Variants in TTYH3 observed in about 807,000 individuals in gnomAD.
TTYH3 encodes the protein protein tweety homolog 3.
TTYH3 carries 23 observed loss-of-function variants against 68.2 expected under a neutral mutation model. That is an observed-to-expected ratio of 0.34 (90% CI 0.24 to 0.48). The LOEUF (loss-of-function observed/expected upper bound fraction) is 0.48, where lower values mean the gene tolerates loss of function less well. Among genes scored for constraint, TTYH3 ranks in the 20% least tolerant of loss-of-function variants. The pLI is 0.99. For missense variants in TTYH3, 768 were observed against 727.7 expected (o/e 1.06, Z -0.64); for synonymous variants, 360 against 332.8 (o/e 1.08, Z -0.89).
rs555719160 is a variant in TTYH3, at chr7:2,658,419, G to A, written c.1384G>A (p.Ala462Thr). The change falls in exon 12 of 14, where the codon GCG becomes ACG. Residue 462 changes from alanine (A) to threonine (T), a missense_variant. Coordinates refer to ENST00000258796, the MANE Select transcript of TTYH3 (RefSeq NM_025250.3). Reference protein sequence around the residue: ...SYGSETSIPAAAHTVSNAPVT... With the variant: ...SYGSETSIPATAHTVSNAPVT... ...CGGCAGTGAGACCAGCATCCCGGCCGCGGCCCACACCGTCAGCAACGCCCC... is the reference window on the plus strand; with the variant it reads ...CGGCAGTGAGACCAGCATCCCGGCCACGGCCCACACCGTCAGCAACGCCCC... 58 of 1,612,274 alleles carry A rather than the reference G, an allele frequency of 3.6e-5. No individual in the cohort carries two copies. The East Asian group carries it at 7.4e-4, about 20-fold the overall frequency.
chr7:2,654,910 G>C (rs1039139610), intron 9 of TTYH3, among the ~76,000 whole-genome samples: 1 of 152,032 alleles, frequency 6.6e-6, no homozygotes. Context: ...GAGTAGCTGG[G>C]ATTACAGGCG....
intron 1 of TTYH3, among the ~76,000 whole-genome samples, chr7:2,635,486 T>C (rs1249795202): frequency 6.6e-6 from 1 of 152,218 alleles, no homozygotes; most frequent in Non-Finnish European, 1.5e-5. Flanking sequence ...TCTCTCGGGC[T>C]GTCTCCTCCA....
At chr7:2,640,581 T>C (rs1432019678) in intron 1 of TTYH3, among the ~76,000 whole-genome samples, 2 of 152,136 alleles carry the variant, frequency 1.3e-5, no homozygotes, top group African/African-American at 4.8e-5. Context: ...CCTGCTGTCA[T>C]GCATGGCCCT....
chr7:2,642,748 C>CTTT (rs915544871), intron 1 of TTYH3, among the ~76,000 whole-genome samples: 37 of 128,142 alleles, frequency 2.9e-4, no homozygotes, highest in African/African-American at 9.7e-4. Context: ...TTTTTCTTTT[C>CTTT]TTTTTTTTTT....
At position 2,652,912 on chromosome 7, in the gene TTYH3, G is replaced by A; in HGVS notation, c.928-6G>A. 1.3e-6 allele frequency: 2 copies of A among 1,558,400 alleles called. No homozygotes were observed. Among genetic ancestry groups the A allele is most frequent in the South Asian group, 1.2e-5 (1 of 84,608 alleles). The stretch of plus-strand genomic sequence containing the variant: ...GCCCATGGACTTGGTCTCCTCTCTG[G>A]AGCAGAAGCTGTCGGGCAGCCACAA... On this transcript the variant is annotated splice_region_variant and splice_polypyrimidine_tract_variant and intron_variant, in intron 8 of 13. Transcript: ENST00000258796.
chr7:2,634,078 C>T (rs1785594475), intron 1 of TTYH3, among the ~76,000 whole-genome samples: 1 of 152,190 alleles, frequency 6.6e-6, no homozygotes, highest in Non-Finnish European at 1.5e-5. Flanking sequence ...CTCTGACTCA[C>T]TCTCTCTCCT....
intron 9 of TTYH3, among the ~76,000 whole-genome samples, chr7:2,653,219 C>T (rs1413323450): frequency 6.6e-6 from 1 of 152,170 alleles, no homozygotes; most frequent in East Asian, 1.9e-4. Flanking sequence ...TCCTCCCCTT[C>T]CTCCCTCCTT....
intron 1 of TTYH3, among the ~76,000 whole-genome samples, chr7:2,636,683 G>A (rs1214826737): frequency 6.6e-6 from 1 of 152,166 alleles, no homozygotes; most frequent in Admixed American, 6.5e-5. Flanking sequence ...GCCCCTGATG[G>A]CTGGTCCCAG....
At chr7:2,636,040 G>A (rs1562705910) in intron 1 of TTYH3, among the ~76,000 whole-genome samples, 1 of 152,332 alleles carries the variant, frequency 6.6e-6, no homozygotes, top group Non-Finnish European at 1.5e-5. Context: ...CAGGCACTGT[G>A]CCAGCCCAGG....
chr7:2,647,358 G>C, intron 3 of TTYH3, 60 bp from the exon 4 acceptor site: 1 of 1,476,216 alleles, frequency 6.8e-7, no homozygotes, highest in Non-Finnish European at 8.9e-7. Context: ...TGCAGGAGGG[G>C]CCCAGACTCT....
intron 1 of TTYH3, among the ~76,000 whole-genome samples, chr7:2,640,231 T>A (rs1785800948): frequency 6.6e-6 from 1 of 152,122 alleles, no homozygotes; most frequent in Non-Finnish European, 1.5e-5. Context: ...AAACTTCTCA[T>A]CAGAGTCCCT....
intron 9 of TTYH3, among the ~76,000 whole-genome samples, chr7:2,653,777 C>A (rs1376069102): frequency 6.6e-6 from 1 of 152,090 alleles, no homozygotes; most frequent in Non-Finnish European, 1.5e-5. Flanking sequence ...GCAGGAGAAT[C>A]ACTTGAACCT....
rs79708264 is a variant in TTYH3, at chr7:2,657,715, G to A, written c.1251-571G>A. ...TGAGCCACTGCACGTGAGGGGCTTG[G>A]CTGGTGGCCCCTGCGCAGCCAAAAG... On this transcript the variant is annotated intron_variant, in intron 11 of 13. Transcript: ENST00000258796. Among the ~76,000 whole-genome samples the A allele has an allele frequency of 1.5e-3, 233 of 152,252 alleles. 2 individuals are homozygous for A. The East Asian group carries it at 0.041, about 27-fold the overall frequency.
rs1259527942 is a variant in TTYH3 at position 2,661,536 on chromosome 7, A to C, written c.1501-132A>C. Reference sequence around the variant, plus strand: ...TTAGCCCCTCCCTATAGGCTCTGTCAGGGCACCCTGTACTGTCCCATTCTG... The same window carrying C: ...TTAGCCCCTCCCTATAGGCTCTGTCCGGGCACCCTGTACTGTCCCATTCTG... On this transcript the variant is annotated intron_variant, in intron 13 of 13. Transcript: ENST00000258796. 15 of 900,430 alleles carry C rather than the reference A, an allele frequency of 1.7e-5. 1 individual carries two copies. Among genetic ancestry groups the C allele is most frequent in the Non-Finnish European group, 2.4e-5 (14 of 576,176 alleles). The allele number at this position is 900,430 out of a possible 1,614,324, so 55.8% of individuals were successfully genotyped here. A position where few individuals can be genotyped will look rare whatever the true frequency, so the allele number is the denominator to read the frequency against.
At chr7:2,638,259 G>A (rs1785733387) in intron 1 of TTYH3, among the ~76,000 whole-genome samples, 1 of 152,148 alleles carries the variant, frequency 6.6e-6, no homozygotes, top group South Asian at 2.1e-4. Flanking sequence ...GGAAGAGCAG[G>A]GGATTTTCCG....
intron 1 of TTYH3, among the ~76,000 whole-genome samples, chr7:2,640,517 C>T (rs1051818630): frequency 1.3e-5 from 2 of 152,224 alleles, no homozygotes; most frequent in African/African-American, 4.8e-5. Context: ...CTCCGGGAGC[C>T]ACCAGGATGC....
Position 2,640,564 on chromosome 7 carries a change from G to A in TTYH3, c.124-6289G>A, listed in dbSNP as rs565524386. Among the ~76,000 whole-genome samples the A allele has an allele frequency of 4.7e-4, 72 of 152,332 alleles. No homozygotes were observed. In the Middle Eastern group the frequency reaches 0.01, roughly 22 times the overall value. On this transcript the variant is annotated intron_variant, in intron 1 of 13. Transcript: ENST00000258796. ...CACCTGTGCAGGTGGCAGGCAGTGT[G>A]CCCTGCCCTGCTGTCATGCATGGCC...
At chr7:2,652,302 T>C in intron 8 of TTYH3, 60 bp downstream of exon 8, 1 of 1,491,990 alleles carries the variant, frequency 6.7e-7, no homozygotes, top group Non-Finnish European at 9.2e-7. Flanking sequence ...TTGCTGTGTG[T>C]GGAGGGGCCC....
At chr7:2,657,842 G>C (rs1006558861) in intron 11 of TTYH3, among the ~76,000 whole-genome samples, 2 of 152,208 alleles carry the variant, frequency 1.3e-5, no homozygotes, top group African/African-American at 2.4e-5. Context: ...CCAGAGGCTC[G>C]CGCAGAGTGG....
Sources: allele counts gnomAD v4.1 joint callset (sites outside exome capture counted in the v4.1 genomes callset), GRCh38; gene constraint gnomAD v4.1.1; transcripts MANE v1.5; gene names NCBI Gene and HGNC (gene_info 2026-07-23, HGNC 2026-07-21).